The following PTPRD variants were observed in gnomAD, a reference collection of about 807,000 sequenced individuals.
PTPRD encodes receptor-type tyrosine-protein phosphatase delta.
Under a neutral mutation model 214.5 loss-of-function variants are expected in PTPRD, and 34 were observed. The ratio of observed to expected loss-of-function variants is 0.16; its 90% CI spans 0.12 to 0.21. The LOEUF is 0.21. PTPRD is among the 10% of genes least tolerant of loss of function. PTPRD has a pLI of 1.00. For missense variants in PTPRD, 2,545 were observed against 2,398.7 expected, an observed-to-expected ratio of 1.06 and a Z score of -1.27; for synonymous variants, 1,128 against 845.7, an observed-to-expected ratio of 1.33 and a Z score of -5.79.
chr9:8,454,741 G>A (rs754338040), intron 33 of PTPRD: 24 of 809,182 alleles, frequency 3.0e-5, no homozygotes, highest in African/African-American at 3.5e-5. Flanking sequence ...AAGCGACAGC[G>A]AATCAAAATA....
chr9:9,487,665 T>C (rs2095709391), intron 8 of PTPRD, among the ~76,000 whole-genome samples: 1 of 152,178 alleles, frequency 6.6e-6, no homozygotes, highest in Non-Finnish European at 1.5e-5. Context: ...TAATTATTTA[T>C]TGTAGAAACA....
At chr9:9,640,514 T>A (rs2095904663) in intron 7 of PTPRD, among the ~76,000 whole-genome samples, 1 of 152,214 alleles carries the variant, frequency 6.6e-6, no homozygotes, top group South Asian at 2.1e-4. Context: ...TCAAGACAGG[T>A]TAGATCAGGT....
At chr9:8,559,991 T>A (rs1365802241) in intron 14 of PTPRD, among the ~76,000 whole-genome samples, 1 of 152,178 alleles carries the variant, frequency 6.6e-6, no homozygotes, top group East Asian at 1.9e-4. Flanking sequence ...TATCTTCAAC[T>A]GTATCATTAA....
chr9:9,342,373 T>C (rs982315874), intron 9 of PTPRD, among the ~76,000 whole-genome samples: 1 of 152,156 alleles, frequency 6.6e-6, no homozygotes, highest in Non-Finnish European at 1.5e-5. Context: ...TATACTATTT[T>C]TTGTTTAAGA....
chr9:9,641,257 G>C (rs570030460), intron 7 of PTPRD, among the ~76,000 whole-genome samples: 1 of 152,302 alleles, frequency 6.6e-6, no homozygotes, highest in South Asian at 2.1e-4. Context: ...TAATGATAAA[G>C]TGGTGAACAT....
chr9:10,060,200 A>G (rs1394880771), intron 3 of PTPRD, among the ~76,000 whole-genome samples: 1 of 152,082 alleles, frequency 6.6e-6, no homozygotes, highest in Non-Finnish European at 1.5e-5. Context: ...TTCTGTCCTC[A>G]GCTTTCAAGT....
intron 11 of PTPRD, among the ~76,000 whole-genome samples, chr9:8,805,289 G>T (rs1296319546): frequency 6.6e-6 from 1 of 152,180 alleles, no homozygotes; most frequent in East Asian, 1.9e-4. Context: ...AAGCAAGTTG[G>T]AGCTGCAATT....
chr9:8,754,372 G>A (rs187054584), intron 11 of PTPRD, among the ~76,000 whole-genome samples: 1 of 152,276 alleles, frequency 6.6e-6, no homozygotes, highest in Admixed American at 6.5e-5. Flanking sequence ...TAAAGCCACA[G>A]AAATTAAGAT....
At chr9:9,349,731 T>C (rs1383140805) in intron 9 of PTPRD, among the ~76,000 whole-genome samples, 2 of 151,842 alleles carry the variant, frequency 1.3e-5, no homozygotes, top group Non-Finnish European at 2.9e-5. Context: ...ACCTTGTTTA[T>C]ACCACTTAAG....
chr9:10,598,674 A>ATGTGTG (rs36093644), intron 2 of PTPRD, among the ~76,000 whole-genome samples: 2,084 of 143,796 alleles, frequency 0.014, 17 homozygotes, highest in African/African-American at 0.03. Context: ...TTATATATGT[A>ATGTGTG]TGTGTGTGTG....
At chr9:9,385,741 T>C (rs1411639413) in intron 9 of PTPRD, among the ~76,000 whole-genome samples, 1 of 152,190 alleles carries the variant, frequency 6.6e-6, no homozygotes, top group Non-Finnish European at 1.5e-5. Context: ...TAATATACAT[T>C]AACTCATTTA....
intron 10 of PTPRD, among the ~76,000 whole-genome samples, chr9:9,173,694 T>C (rs1055987827): frequency 6.6e-6 from 1 of 152,158 alleles, no homozygotes; most frequent in African/African-American, 2.4e-5. Context: ...AATATGCTAG[T>C]ATGCTCTTAC....
intron 3 of PTPRD, among the ~76,000 whole-genome samples, chr9:10,262,247 T>A (rs894893470): frequency 9.9e-4 from 151 of 152,288 alleles, no homozygotes; most frequent in African/African-American, 3.5e-3. Flanking sequence ...AACAATATTT[T>A]GAAAAAGGGA....
At chr9:9,042,379 A>G (rs2099642767) in intron 10 of PTPRD, among the ~76,000 whole-genome samples, 1 of 152,146 alleles carries the variant, frequency 6.6e-6, no homozygotes. Context: ...GACAATTCCA[A>G]CTGGGATCAC....
chr9:10,542,507 C>G (rs1180463830), intron 2 of PTPRD, among the ~76,000 whole-genome samples: 1 of 152,044 alleles, frequency 6.6e-6, no homozygotes, highest in Non-Finnish European at 1.5e-5. Context: ...ATGCTCATAT[C>G]TGATAAAATT....
intron 11 of PTPRD, among the ~76,000 whole-genome samples, chr9:8,775,026 T>C (rs193089663): frequency 1.3e-5 from 2 of 152,260 alleles, no homozygotes; most frequent in Admixed American, 1.3e-4. Context: ...TCGGGCGCCA[T>C]GGCCAAATAA....
chr9:8,669,391 G>T (rs149786414), intron 12 of PTPRD, among the ~76,000 whole-genome samples: 1 of 152,104 alleles, frequency 6.6e-6, no homozygotes, highest in South Asian at 2.1e-4. Context: ...ATTTCTGAGG[G>T]TATAAGACCC....
At chr9:9,570,567 T>G (rs755771462) in intron 8 of PTPRD, among the ~76,000 whole-genome samples, 9 of 151,556 alleles carry the variant, frequency 5.9e-5, no homozygotes, top group Non-Finnish European at 7.4e-5. Flanking sequence ...GCTCATTATT[T>G]ATCTTTTTGG....
intron 3 of PTPRD, among the ~76,000 whole-genome samples, chr9:10,290,751 T>A (rs1011736635): frequency 2.0e-5 from 3 of 152,108 alleles, no homozygotes; most frequent in African/African-American, 7.2e-5. Context: ...ATTCTCCAGA[T>A]AATAAAGTAT....
Sources: gnomAD v4.1 joint callset for allele counts (sites outside exome capture counted in the v4.1 genomes callset) on GRCh38, gnomAD v4.1.1 for gene constraint, MANE v1.5 for transcripts, NCBI Gene and HGNC (gene_info 2026-07-23, HGNC 2026-07-21) for gene names.